PLCD4: variants seen among roughly 807,000 people sequenced by gnomAD.
The protein encoded by PLCD4 is phospholipase C delta 4.
A neutral mutation model predicts 90.2 loss-of-function variants in PLCD4; 63 were observed. The observed-to-expected ratio is 0.70, with a 90% confidence interval of 0.57 to 0.86. The LOEUF (loss-of-function observed/expected upper bound fraction) is 0.86. Among genes scored for constraint, PLCD4 ranks in the 40% least tolerant of loss-of-function variants. PLCD4 has a pLI of 0.00. For synonymous variants in PLCD4, 294 were observed against 356.5 expected, an observed-to-expected ratio of 0.82 and a Z score of 1.97; for missense variants, 830 against 956.3, an observed-to-expected ratio of 0.87 and a Z score of 1.74.
chr2:218,629,550 G>C lies in PLCD4; in HGVS notation c.1006G>C (p.Val336Leu), dbSNP rs1696266469. 6.8e-6 allele frequency: 11 copies of C among 1,613,700 alleles called. No individual in the cohort carries two copies. In the African/African-American group the frequency reaches 8.0e-5, roughly 12 times the overall value. ...ALKRGCRCVE[V>L]DVWDGPSGEP... The stretch of plus-strand genomic sequence containing the variant: ...GAAGCGGGGGTGCCGCTGCGTGGAG[G>C]TGGATGTATGGGATGGACCTAGCGG... Residue 336 changes from valine to leucine, a missense_variant, in exon 8 of 16, where the codon GTG becomes CTG. Physicochemically the swap from Val to Leu is conservative, Grantham distance 32 (BLOSUM62 1). Coordinates refer to ENST00000450993, the MANE Select transcript of PLCD4 (RefSeq NM_032726.4).
At chr2:218,626,258 C>CAA (rs10616178) in intron 6 of PLCD4, among the ~76,000 whole-genome samples, 3 of 135,272 alleles carry the variant, frequency 2.2e-5, no homozygotes, top group African/African-American at 2.7e-5. Context: ...CTCTGTCTCC[C>CAA]AAAAAAAAAA....
At chr2:218,617,783 A>T (rs1192360387) in intron 3 of PLCD4, among the ~76,000 whole-genome samples, 1 of 151,764 alleles carries the variant, frequency 6.6e-6, no homozygotes, top group Non-Finnish European at 1.5e-5. Flanking sequence ...TGGAAAGAGG[A>T]AGCCCTCAAA....
chr2:218,627,409 G>A lies in PLCD4; in HGVS notation c.773-620G>A, dbSNP rs535393890. ...TATATATGACACTGCAGAATAAAAC[G>A]TTTTTCTCTTTAGTACTATAGCATA... On this transcript the variant is annotated intron_variant, in intron 6 of 15. Transcript: ENST00000450993. Among the ~76,000 whole-genome samples the A allele has an allele frequency of 6.0e-5, 9 of 151,204 alleles. No homozygotes were observed. In the South Asian group the frequency reaches 1.7e-3, roughly 28 times the overall value.
chr2:218,610,946 T>C (rs1306100582), intron 1 of PLCD4, among the ~76,000 whole-genome samples: 1 of 152,188 alleles, frequency 6.6e-6, no homozygotes, highest in Non-Finnish European at 1.5e-5. Context: ...CAGGCTGGTC[T>C]CGAACTCCTG....
chr2:218,627,978 G>T, intron 6 of PLCD4, 51 bp from the exon 7 acceptor site: 1 of 1,502,274 alleles, frequency 6.7e-7, no homozygotes, highest in Middle Eastern at 1.8e-4. Context: ...GGTGTGCTGG[G>T]ATGCTCCCAT....
intron 3 of PLCD4, among the ~76,000 whole-genome samples, chr2:218,617,257 C>A (rs1695658943): frequency 6.8e-6 from 1 of 147,992 alleles, no homozygotes; most frequent in African/African-American, 2.5e-5. Context: ...AGCCACTGCA[C>A]CCGGCCTATA....
At chr2:218,619,266 C>CATATATATATATATAT (rs3074252) in intron 4 of PLCD4, among the ~76,000 whole-genome samples, 3 of 146,720 alleles carry the variant, frequency 2.0e-5, no homozygotes, top group African/African-American at 7.6e-5. Context: ...TATAGGGGTA[C>CATATATATATATATAT]ATATATATAT....
chr2:218,616,946 A>G (rs1695630254), intron 3 of PLCD4, among the ~76,000 whole-genome samples: 2 of 60,542 alleles, frequency 3.3e-5, no homozygotes, highest in Non-Finnish European at 6.7e-5. Flanking sequence ...AGAGAGAGAG[A>G]GAGAGAGAGA....
chr2:218,609,453 T>C (rs138010660), intron 1 of PLCD4: 1 of 152,340 alleles, frequency 6.6e-6, no homozygotes, highest in African/African-American at 2.4e-5. Context: ...CCTATTTTCG[T>C]ATCTGTATTA....
chr2:218,617,732 T>C (rs1301215287), intron 3 of PLCD4, among the ~76,000 whole-genome samples: 1 of 152,022 alleles, frequency 6.6e-6, no homozygotes, highest in Non-Finnish European at 1.5e-5. Flanking sequence ...CCAGCTGAGG[T>C]AAGAGGGTGA....
intron 13 of PLCD4, 149 bp from the exon 14 acceptor site, chr2:218,635,647 A>T: frequency 1.7e-6 from 2 of 1,188,780 alleles, no homozygotes; most frequent in Non-Finnish European, 2.3e-6. Flanking sequence ...GGTGCATTTT[A>T]AATTGCAGAT....
chr2:218,632,270 T>A lies in PLCD4; in HGVS notation c.1407T>A (p.Pro469=). 2.5e-6 allele frequency: 4 copies of A among 1,611,452 alleles called. No individual in the cohort carries two copies. Among genetic ancestry groups the A allele is most frequent in the Non-Finnish European group, 3.4e-6 (4 of 1,178,870 alleles). ...LALESQFETE[P]EPQEQNLQNK... ...TGGAGTCCCAGTTTGAGACTGAGCC[T>A]GAGCCCCAGGAGCAGAACCTTCAGA... Residue 469 remains proline (P), a synonymous_variant, in exon 10 of 16, where the codon CCT becomes CCA. Coordinates refer to ENST00000450993, the MANE Select transcript of PLCD4 (RefSeq NM_032726.4).
chr2:218,619,943 T>A (rs973400027), intron 4 of PLCD4, among the ~76,000 whole-genome samples: 1 of 152,258 alleles, frequency 6.6e-6, no homozygotes, highest in African/African-American at 2.4e-5. Flanking sequence ...AGTGGCACGA[T>A]CTTGGCTCAC....
intron 8 of PLCD4, 108 bp downstream of exon 8, chr2:218,629,771 A>G (rs1696280265): frequency 8.0e-7 from 1 of 1,253,806 alleles, no homozygotes; most frequent in Non-Finnish European, 1.1e-6. Flanking sequence ...TTCCATCAAA[A>G]GAGGATTTAA....
intron 10 of PLCD4, chr2:218,633,107 A>G (rs575695812): frequency 6.1e-5 from 25 of 406,788 alleles, no homozygotes; most frequent in Admixed American, 1.2e-4. Context: ...GACAAATCCA[A>G]AGATATTACT....
chr2:218,628,188 G>C lies in PLCD4; in HGVS notation c.932G>C (p.Gly311Ala), dbSNP rs1400787134. 6.2e-7 allele frequency: 1 copy of C among 1,614,014 alleles called. No homozygotes were observed. Among genetic ancestry groups the C allele is most frequent in the South Asian group, 1.1e-5 (1 of 91,074 alleles). Reference sequence around the variant, plus strand: ...TCTTCTCATAACACCTACCTAGTGGGGGACCAGCTTTGTGGCCAGAGCAGC... The same window carrying C: ...TCTTCTCATAACACCTACCTAGTGGCGGACCAGCTTTGTGGCCAGAGCAGC... ...ICSSHNTYLV[G>A]DQLCGQSSVE... The change falls in exon 7 of 16, where the codon GGG becomes GCG. Residue 311 changes from glycine to alanine, a missense_variant. By Grantham distance (60) the Gly-to-Ala change is moderately conservative. Transcript: ENST00000450993.
rs1009689109 is a variant in PLCD4 at position 218,634,407 on chromosome 2, T to A, written c.1724-51T>A. On this transcript the variant is annotated intron_variant, in intron 12 of 15. Transcript: ENST00000450993. This position sits in a 1 kb window ranked among gnomAD's most constrained non-coding sequence, Gnocchi z 4.0. ...CTTCTTAACTCCCTGAAAGAGGGGC[T>A]GGAAGGCCTCCATGGTGAATCTTGC... is the stretch of plus-strand genomic sequence containing the variant. 6.9e-6 allele frequency: 11 copies of A among 1,588,550 alleles called. No individual in the cohort carries two copies. The highest frequency in any genetic ancestry group is 4.0e-5 in the African/African-American group (3 of 74,168).
intron 3 of PLCD4, among the ~76,000 whole-genome samples, chr2:218,616,927 T>TATATATATATAG (rs1553571947): frequency 5.1e-4 from 7 of 13,760 alleles, no homozygotes; most frequent in African/African-American, 8.6e-4. Context: ...TATATATATA[T>TATATATATATAG]AGAGAGAGAG....
chr2:218,613,804 C>A (rs962684329), intron 1 of PLCD4, among the ~76,000 whole-genome samples: 3 of 152,104 alleles, frequency 2.0e-5, no homozygotes, highest in Non-Finnish European at 2.9e-5. Flanking sequence ...TGGGCCCAAG[C>A]AATCCTCCCT....
Sources: allele counts gnomAD v4.1 joint callset (sites outside exome capture counted in the v4.1 genomes callset), GRCh38; gene constraint gnomAD v4.1.1; non-coding constraint Gnocchi (gnomAD v3.1); transcripts MANE v1.5; gene names NCBI Gene and HGNC (gene_info 2026-07-23, HGNC 2026-07-21).